Variants in ZRANB3 observed in about 807,000 individuals in gnomAD.
ZRANB3 encodes zinc finger RANBP2-type containing 3, also known as DNA annealing helicase and endonuclease ZRANB3.
Under a neutral mutation model 133.8 loss-of-function variants are expected in ZRANB3, and 125 were observed. The ratio of observed to expected loss-of-function variants is 0.93; its 90% CI spans 0.81 to 1.08. The LOEUF is 1.08. ZRANB3 is among the 50% of genes least tolerant of loss of function. The pLI, the probability that ZRANB3 is intolerant of heterozygous loss-of-function variation, is 0.00. For synonymous variants in ZRANB3, 387 were observed against 432.7 expected, an observed-to-expected ratio of 0.89 and a Z score of 1.31; for missense variants, 1,229 against 1,275.5, an observed-to-expected ratio of 0.96 and a Z score of 0.56.
rs528579198 is a variant in ZRANB3 at position 135,248,193 on chromosome 2, A to C, written c.1540-17266T>G. Among the ~76,000 whole-genome samples the C allele has an allele frequency of 9.8e-5, 15 of 152,326 alleles. No homozygotes were observed. The East Asian group carries it at 2.3e-3, about 23-fold the overall frequency. On this transcript the variant is annotated intron_variant, in intron 12 of 20. Coordinates refer to ENST00000264159, the MANE Select transcript of ZRANB3 (RefSeq NM_032143.4). ...TACAGAAAACTGGCCAGACTGTTAC[A>C]TGGGTGCCCATTCCCATATCTGCTC...
intron 2 of ZRANB3, among the ~76,000 whole-genome samples, chr2:135,479,014 C>A (rs1036353511): frequency 1.3e-5 from 2 of 149,770 alleles, no homozygotes; most frequent in African/African-American, 5.1e-5. Flanking sequence ...TACGTAGACA[C>A]TGCCAAACAG....
At chr2:135,231,560 G>A (rs1051748142) in intron 12 of ZRANB3, among the ~76,000 whole-genome samples, 3 of 152,130 alleles carry the variant, frequency 2.0e-5, no homozygotes, top group African/African-American at 7.2e-5. Flanking sequence ...AGGAGTTCAA[G>A]ACTAGCTTGG....
At chr2:135,235,219 C>G (rs1695232515) in intron 12 of ZRANB3, among the ~76,000 whole-genome samples, 1 of 152,212 alleles carries the variant, frequency 6.6e-6, no homozygotes, top group South Asian at 2.1e-4. Flanking sequence ...CACATACACC[C>G]TCCCAAGACT....
At chr2:135,438,536 T>G (rs1689646244) in intron 2 of ZRANB3, among the ~76,000 whole-genome samples, 1 of 151,412 alleles carries the variant, frequency 6.6e-6, no homozygotes, top group Non-Finnish European at 1.5e-5. Flanking sequence ...TTGTTAATTG[T>G]ATTTCCTGGC....
intron 3 of ZRANB3, among the ~76,000 whole-genome samples, chr2:135,384,408 C>T (rs917987817): frequency 6.6e-6 from 1 of 152,106 alleles, no homozygotes; most frequent in South Asian, 2.1e-4. Context: ...CGAATTCTAC[C>T]AGAGGTACAA....
chr2:135,376,561 T>C (rs561370189), intron 3 of ZRANB3, among the ~76,000 whole-genome samples: 3 of 152,356 alleles, frequency 2.0e-5, no homozygotes, highest in Admixed American at 6.5e-5. Context: ...TTTAAATGCA[T>C]ATTGCTAAGT....
intron 2 of ZRANB3, among the ~76,000 whole-genome samples, chr2:135,463,652 G>A (rs918390979): frequency 1.3e-5 from 2 of 152,036 alleles, no homozygotes; most frequent in Admixed American, 1.3e-4. Context: ...CCTGACCTCA[G>A]GTCATCTGCC....
At chr2:135,402,545 C>T (rs1450066721) in intron 2 of ZRANB3, among the ~76,000 whole-genome samples, 4 of 151,658 alleles carry the variant, frequency 2.6e-5, no homozygotes, top group Admixed American at 6.6e-5. Flanking sequence ...CCACCCAACT[C>T]GGCCTCCCAA....
chr2:135,346,624 T>C (rs1458848189), intron 5 of ZRANB3, among the ~76,000 whole-genome samples: 1 of 152,172 alleles, frequency 6.6e-6, no homozygotes, highest in Non-Finnish European at 1.5e-5. Context: ...GTACATGCTG[T>C]TTTAAAGTTT....
At chr2:135,325,673 G>A (rs1319748620) in intron 6 of ZRANB3, among the ~76,000 whole-genome samples, 1 of 152,160 alleles carries the variant, frequency 6.6e-6, no homozygotes, top group Non-Finnish European at 1.5e-5. Context: ...GGGATTATGG[G>A]TGTAAGCCAC....
At chr2:135,269,270 A>T (rs2105117397) in intron 10 of ZRANB3, 129 bp from the exon 11 acceptor site, 1 of 689,776 alleles carries the variant, frequency 1.4e-6, no homozygotes, top group Non-Finnish European at 2.1e-6. Flanking sequence ...TTTAGGCCAA[A>T]TTAAGATTTA....
intron 3 of ZRANB3, among the ~76,000 whole-genome samples, chr2:135,381,572 T>C (rs1351517965): frequency 6.6e-6 from 1 of 152,048 alleles, no homozygotes; most frequent in Non-Finnish European, 1.5e-5. Context: ...GACCCCTGAG[T>C]AGCCTAACTG....
chr2:135,505,867 T>C (rs748175136), intron 1 of ZRANB3, among the ~76,000 whole-genome samples: 2 of 152,164 alleles, frequency 1.3e-5, no homozygotes, highest in African/African-American at 2.4e-5. Context: ...ATGGGAAGGA[T>C]GATTAATTAT....
At chr2:135,413,285 C>A (rs1037940953) in intron 2 of ZRANB3, among the ~76,000 whole-genome samples, 2 of 152,136 alleles carry the variant, frequency 1.3e-5, no homozygotes, top group African/African-American at 4.8e-5. Context: ...AATCCTAGAT[C>A]TATCCCTCTC....
intron 2 of ZRANB3, among the ~76,000 whole-genome samples, chr2:135,491,780 G>A (rs758626787): frequency 1.2e-4 from 18 of 152,110 alleles, no homozygotes; most frequent in East Asian, 9.6e-4. Context: ...CTCACAAAGC[G>A]CTGGGATTAC....
At chr2:135,483,916 G>T (rs1691967898) in intron 2 of ZRANB3, among the ~76,000 whole-genome samples, 2 of 152,130 alleles carry the variant, frequency 1.3e-5, no homozygotes. Context: ...ATGTAGTTGA[G>T]CGGTTTTGAG....
chr2:135,340,372 C>T (rs929156174), intron 6 of ZRANB3, among the ~76,000 whole-genome samples: 2 of 152,034 alleles, frequency 1.3e-5, no homozygotes, highest in East Asian at 1.9e-4. Context: ...TCTCAAAGTG[C>T]TAGGATTACA....
chr2:135,329,612 T>A (rs1684032441), intron 6 of ZRANB3, among the ~76,000 whole-genome samples: 1 of 152,212 alleles, frequency 6.6e-6, no homozygotes, highest in Admixed American at 6.5e-5. Flanking sequence ...ATTGGTAGCG[T>A]GATGGGGATA....
chr2:135,467,755 T>C lies in ZRANB3; in HGVS notation c.161+36574A>G, dbSNP rs1049746402. ...CATTCTGTCCCACCTCTTCACGGCC[T>C]AGCTTCCAGCCTTACTTTGTGTCTC... On this transcript the variant is annotated intron_variant, in intron 2 of 20. Coordinates refer to ENST00000264159, the MANE Select transcript of ZRANB3 (RefSeq NM_032143.4). Among the ~76,000 whole-genome samples the C allele has an allele frequency of 3.3e-5, 5 of 152,336 alleles. No homozygotes were observed. The South Asian group carries it at 1.0e-3, about 32-fold the overall frequency.
Sources: allele counts gnomAD v4.1 joint callset (sites outside exome capture counted in the v4.1 genomes callset), GRCh38; gene constraint gnomAD v4.1.1; transcripts MANE v1.5; gene names NCBI Gene and HGNC (gene_info 2026-07-23, HGNC 2026-07-21).